Variants in NDRG3 observed in about 807,000 individuals in gnomAD.
The protein encoded by NDRG3 is protein NDRG3.
Under a neutral mutation model 57.2 loss-of-function variants are expected in NDRG3, and 23 were observed. The observed-to-expected ratio is 0.40, with a 90% CI of 0.29 to 0.57. The LOEUF is 0.57. NDRG3 is among the 20% of genes least tolerant of loss of function. The pLI is 0.42. For synonymous variants in NDRG3, 132 were observed against 162.6 expected (o/e 0.81, Z 1.43); for missense variants, 384 against 457.3 (o/e 0.84, Z 1.46).
intron 3 of NDRG3, among the ~76,000 whole-genome samples, chr20:36,691,957 T>C (rs1982297588): frequency 6.6e-6 from 1 of 152,160 alleles, no homozygotes; most frequent in South Asian, 2.1e-4. Flanking sequence ...GATTATGTTC[T>C]ACATAGGGAG....
At chr20:36,656,132 CAA>C (rs1180409064) in intron 15 of NDRG3, among the ~76,000 whole-genome samples, 14 of 49,234 alleles carry the variant, frequency 2.8e-4, no homozygotes, top group South Asian at 2.1e-3. Context: ...GACTCTGTCT[CAA>C]AAAAAAAAAA....
intron 1 of NDRG3, among the ~76,000 whole-genome samples, chr20:36,731,398 C>G (rs1985274251): frequency 1.3e-5 from 2 of 152,036 alleles, no homozygotes. Flanking sequence ...AGGATGAAGA[C>G]TATGAAAGGG....
At chr20:36,704,702 G>A (rs1176689706) in intron 3 of NDRG3, among the ~76,000 whole-genome samples, 1 of 152,168 alleles carries the variant, frequency 6.6e-6, no homozygotes, top group African/African-American at 2.4e-5. Flanking sequence ...ATTGCCTACA[G>A]TGAATGACTG....
intron 2 of NDRG3, among the ~76,000 whole-genome samples, chr20:36,712,595 T>TTTTA (rs1983989999): frequency 1.4e-5 from 1 of 73,426 alleles, no homozygotes; most frequent in Non-Finnish European, 3.0e-5. Context: ...ATATTTTTTT[T>TTTTA]TTTTTTTTTT....
At chr20:36,660,439 C>A in intron 12 of NDRG3, 55 bp from the exon 13 acceptor site, 1 of 1,308,430 alleles carries the variant, frequency 7.6e-7, no homozygotes, top group Non-Finnish European at 1.1e-6. Flanking sequence ...GGAAAAAAAA[C>A]GAAATAGCTC....
intron 3 of NDRG3, 136 bp downstream of exon 3, chr20:36,706,836 T>A (rs370428466): frequency 1.5e-6 from 1 of 676,902 alleles, no homozygotes; most frequent in South Asian, 2.3e-5. Flanking sequence ...GTGAACTTGA[T>A]CCAATGACCA....
At chr20:36,727,575 C>T (rs558279938) in intron 1 of NDRG3, among the ~76,000 whole-genome samples, 1 of 148,940 alleles carries the variant, frequency 6.7e-6, no homozygotes. Flanking sequence ...CGGAGTCTCG[C>T]TCTGTCGCCC....
chr20:36,678,426 T>C (rs1342188488), intron 8 of NDRG3, among the ~76,000 whole-genome samples: 1 of 152,188 alleles, frequency 6.6e-6, no homozygotes. Flanking sequence ...CTCACACCTG[T>C]AATCCCAGCA....
intron 3 of NDRG3, among the ~76,000 whole-genome samples, chr20:36,698,291 A>G (rs867431338): frequency 6.6e-6 from 1 of 150,930 alleles, no homozygotes; most frequent in African/African-American, 2.4e-5. Flanking sequence ...ATTGCTACAA[A>G]TCTCCGGAAG....
At chr20:36,725,564 T>C in intron 1 of NDRG3, among the ~76,000 whole-genome samples, 3 of 132,834 alleles carry the variant, frequency 2.3e-5, no homozygotes, top group African/African-American at 2.9e-5. Context: ...ATCGCACCAC[T>C]GCACTCCAGC....
At chr20:36,679,497 A>T (rs1484877658) in intron 8 of NDRG3, among the ~76,000 whole-genome samples, 1 of 151,616 alleles carries the variant, frequency 6.6e-6, no homozygotes, top group Non-Finnish European at 1.5e-5. Context: ...ACTCCTGTTA[A>T]ATTGCAATTT....
At chr20:36,667,060 T>C (rs1020517610) in intron 9 of NDRG3, among the ~76,000 whole-genome samples, 13 of 152,188 alleles carry the variant, frequency 8.5e-5, no homozygotes, top group Admixed American at 6.6e-4. Context: ...GGTCTTGAAC[T>C]CTTGACCTCA....
At chr20:36,725,524 C>T (rs1984874607) in intron 1 of NDRG3, among the ~76,000 whole-genome samples, 1 of 150,508 alleles carries the variant, frequency 6.6e-6, no homozygotes, top group Non-Finnish European at 1.5e-5. Context: ...ATCGCTTGAG[C>T]CTGGGAGGCA....
chr20:36,708,969 C>T (rs1402808631), intron 2 of NDRG3, among the ~76,000 whole-genome samples: 5 of 152,062 alleles, frequency 3.3e-5, no homozygotes, highest in East Asian at 1.9e-4. Flanking sequence ...ACCAGGGAGG[C>T]GGAGGTTGCA....
At chr20:36,681,635 C>CAAAA in intron 7 of NDRG3, among the ~76,000 whole-genome samples, 1 of 79,510 alleles carries the variant, frequency 1.3e-5, no homozygotes, top group African/African-American at 4.3e-5. Context: ...GACTTCATCT[C>CAAAA]AAAAAAAAAA....
chr20:36,688,945 G>A (rs924344749), intron 3 of NDRG3, among the ~76,000 whole-genome samples, 161 bp from the exon 4 acceptor site: 1 of 152,204 alleles, frequency 6.6e-6, no homozygotes, highest in Admixed American at 6.5e-5. Context: ...TGTAATCCCA[G>A]CACTTTGGGA....
intron 1 of NDRG3, among the ~76,000 whole-genome samples, chr20:36,739,149 A>T (rs113710214): frequency 1.4e-5 from 2 of 139,460 alleles, no homozygotes; most frequent in Non-Finnish European, 3.1e-5. Context: ...AAAAAAAAAA[A>T]AAAAAAAAAA....
chr20:36,722,257 T>A (rs189173120), intron 1 of NDRG3, among the ~76,000 whole-genome samples: 1 of 152,092 alleles, frequency 6.6e-6, no homozygotes, highest in Non-Finnish European at 1.5e-5. Flanking sequence ...AGGAACTGAA[T>A]GCTGCCAACA....
At chr20:36,719,418 T>A (rs1397263263) in intron 2 of NDRG3, among the ~76,000 whole-genome samples, 1 of 111,276 alleles carries the variant, frequency 9.0e-6, no homozygotes, top group Non-Finnish European at 1.7e-5. Flanking sequence ...AGAGCAAGAC[T>A]CCGTTTCAAA....
Sources: allele counts gnomAD v4.1 joint callset (sites outside exome capture counted in the v4.1 genomes callset), GRCh38; gene constraint gnomAD v4.1.1; transcripts MANE v1.5; gene names NCBI Gene and HGNC (gene_info 2026-07-23, HGNC 2026-07-21).